Variants in BTBD7 observed in about 807,000 individuals in gnomAD.
BTBD7 encodes BTB/POZ domain-containing protein 7.
A neutral mutation model predicts 99.9 loss-of-function variants in BTBD7; 38 were observed. The observed-to-expected ratio is 0.38, with a 90% CI of 0.29 to 0.50. The LOEUF (loss-of-function observed/expected upper bound fraction) is 0.50. Ranked by LOEUF, BTBD7 falls within the 20% of genes least tolerant of loss-of-function variation. The pLI is 0.93. For missense variants in BTBD7, 1,170 were observed against 1,394.6 expected (o/e 0.84, Z 2.57); for synonymous variants, 520 against 511.4 (o/e 1.02, Z -0.23).
intron 7 of BTBD7, among the ~76,000 whole-genome samples, chr14:93,252,273 G>A (rs1258354723): frequency 1.3e-5 from 2 of 151,432 alleles, no homozygotes; most frequent in South Asian, 2.1e-4. Context: ...TCTCACTGCG[G>A]CACTCCAGCC....
At chr14:93,283,030 T>C (rs1345759509) in intron 3 of BTBD7, among the ~76,000 whole-genome samples, 2 of 152,198 alleles carry the variant, frequency 1.3e-5, no homozygotes, top group East Asian at 3.8e-4. Flanking sequence ...AGAGAAAAGG[T>C]TTTGCTTGCT....
chr14:93,258,035 G>A (rs1054530507), intron 5 of BTBD7, among the ~76,000 whole-genome samples: 2 of 152,076 alleles, frequency 1.3e-5, no homozygotes, highest in African/African-American at 4.8e-5. Context: ...ATGCTATTGA[G>A]GTGGGAAGAA....
At chr14:93,252,778 G>C (rs2052383738) in intron 7 of BTBD7, among the ~76,000 whole-genome samples, 1 of 151,728 alleles carries the variant, frequency 6.6e-6, no homozygotes, top group South Asian at 2.1e-4. Flanking sequence ...AGGATTTCCT[G>C]CTTTCAAAGA....
At chr14:93,310,702 C>T (rs2053126606) in intron 1 of BTBD7, among the ~76,000 whole-genome samples, 2 of 151,682 alleles carry the variant, frequency 1.3e-5, no homozygotes, top group African/African-American at 4.9e-5. Context: ...TGAGATAGTA[C>T]CATTGCACTC....
Position 93,242,784 on chromosome 14 carries a change from C to G in BTBD7, c.2888G>C (p.Arg963Pro), listed in dbSNP as rs201926967. The change falls in exon 11 of 11, where the codon CGC (arginine) becomes CCC (proline). Residue 963 changes from arginine (R) to proline (P), a missense_variant. Coordinates refer to ENST00000334746, the MANE Select transcript of BTBD7 (RefSeq NM_001002860.4). Reference protein sequence around the residue: ...CRPSTPALSRRTPSPSQGGYF... With the variant: ...CRPSTPALSRPTPSPSQGGYF... ...TCCACCTTGCGAAGGGGAAGGGGTG[C>G]GTCTGCTGAGAGCAGGAGTAGAAGG... The G allele has an allele frequency of 1.2e-6, 2 of 1,614,154 alleles. No homozygotes were observed. The highest frequency in any genetic ancestry group is 1.7e-6 in the Non-Finnish European group (2 of 1,180,038).
chr14:93,317,967 C>T (rs142262554), intron 1 of BTBD7, among the ~76,000 whole-genome samples: 9 of 152,324 alleles, frequency 5.9e-5, no homozygotes, highest in East Asian at 1.9e-4. Context: ...GCATCCTACG[C>T]GGCTTCACTG....
intron 3 of BTBD7, among the ~76,000 whole-genome samples, chr14:93,290,100 G>C (rs1465611323): frequency 6.6e-6 from 1 of 152,010 alleles, no homozygotes; most frequent in Non-Finnish European, 1.5e-5. Flanking sequence ...TGATCCGCCT[G>C]CCTTGGCCTC....
At chr14:93,322,616 G>A (rs961375456) in intron 1 of BTBD7, among the ~76,000 whole-genome samples, 11 of 152,136 alleles carry the variant, frequency 7.2e-5, no homozygotes, top group Non-Finnish European at 1.6e-4. Context: ...AAAGTGGATA[G>A]AGAAATATAA....
At chr14:93,330,731 G>A (rs1313625406) in intron 1 of BTBD7, among the ~76,000 whole-genome samples, 1 of 152,214 alleles carries the variant, frequency 6.6e-6, no homozygotes, top group East Asian at 1.9e-4. Flanking sequence ...AATTTTGGAT[G>A]TGTGAGCTTC....
chr14:93,300,847 C>T (rs954226213), intron 1 of BTBD7, among the ~76,000 whole-genome samples: 2 of 149,070 alleles, frequency 1.3e-5, no homozygotes, highest in African/African-American at 5.0e-5. Flanking sequence ...AACTCCTGAG[C>T]TCAAGTGATC....
intron 6 of BTBD7, among the ~76,000 whole-genome samples, chr14:93,254,820 AG>A (rs2052411556): frequency 6.6e-6 from 1 of 152,240 alleles, no homozygotes; most frequent in Non-Finnish European, 1.5e-5. Flanking sequence ...ATGAAAGTTA[AG>A]AGTCATTGTT....
chr14:93,275,256 A>T (rs548042447), intron 3 of BTBD7, among the ~76,000 whole-genome samples: 10 of 152,350 alleles, frequency 6.6e-5, no homozygotes, highest in African/African-American at 2.4e-4. Flanking sequence ...CAGACTGGAC[A>T]ATCCTAATCA....
chr14:93,308,429 T>A (rs1240982749), intron 1 of BTBD7, among the ~76,000 whole-genome samples: 6 of 151,802 alleles, frequency 4.0e-5, no homozygotes, highest in African/African-American at 1.5e-4. Flanking sequence ...AGCAATAAAG[T>A]AAATAATTTT....
At position 93,239,264 on chromosome 14, in the gene BTBD7, C is replaced by T. The variant is rs1034088405; in HGVS notation, c.*3009G>A. 2.6e-5 allele frequency: 4 copies of T among 152,668 alleles called. No individual in the cohort carries two copies. Among genetic ancestry groups the T allele is most frequent in the Non-Finnish European group, 2.9e-5 (2 of 68,018 alleles). The allele number at this position is 152,668 out of a possible 1,614,324, so 9.5% of individuals were successfully genotyped here. ...AACTTGAACGTCCTCTCGGCTCTAG[C>T]GTGTAAACGGTAGGTCTCTAACCTC... On this transcript the variant is annotated 3_prime_UTR_variant, in exon 11 of 11. Coordinates refer to ENST00000334746, the MANE Select transcript of BTBD7 (RefSeq NM_001002860.4).
chr14:93,246,195 G>A lies in BTBD7; in HGVS notation c.2213C>T (p.Thr738Ile), dbSNP rs1297805277. The change falls in exon 10 of 11, where the codon ACA becomes ATA. Residue 738 changes from threonine (T) to isoleucine (I), a missense_variant. Thr to Ile is a moderately conservative substitution (Grantham distance 89). Transcript: ENST00000334746. ...TGTAAACATGGTTTCTGCAGGAGGT[G>A]TACTGTTTACGCGACATCTCCCAGG... is the stretch of plus-strand genomic sequence containing the variant. ...RQPGRCRVNSTPPAETMFTDL... is the reference protein window; with the variant it reads ...RQPGRCRVNSIPPAETMFTDL... 1 of 1,612,516 alleles carries A rather than the reference G, an allele frequency of 6.2e-7. No individual in the cohort carries two copies. Among genetic ancestry groups the A allele is most frequent in the Non-Finnish European group, 8.5e-7 (1 of 1,179,244 alleles).
chr14:93,262,289 C>G (rs1456672363), intron 4 of BTBD7, among the ~76,000 whole-genome samples: 1 of 152,072 alleles, frequency 6.6e-6, no homozygotes, highest in Non-Finnish European at 1.5e-5. Context: ...CCCGCCACCA[C>G]GCCTGGCTAA....
At chr14:93,312,609 T>G (rs991457445) in intron 1 of BTBD7, among the ~76,000 whole-genome samples, 2 of 152,158 alleles carry the variant, frequency 1.3e-5, no homozygotes, top group Non-Finnish European at 2.9e-5. Flanking sequence ...TAAGGACATC[T>G]GAGCCCCCAA....
At chr14:93,282,961 C>A (rs2052738034) in intron 3 of BTBD7, among the ~76,000 whole-genome samples, 2 of 152,330 alleles carry the variant, frequency 1.3e-5, no homozygotes, top group South Asian at 4.1e-4. Context: ...AATGTGATGT[C>A]ATAAGTTTAC....
At chr14:93,316,808 T>G (rs1008420090) in intron 1 of BTBD7, among the ~76,000 whole-genome samples, 5 of 152,168 alleles carry the variant, frequency 3.3e-5, no homozygotes, top group African/African-American at 1.2e-4. Context: ...AATATTGCTG[T>G]GGCAAACTGA....
Sources: gnomAD v4.1 joint callset for allele counts (sites outside exome capture counted in the v4.1 genomes callset) on GRCh38, gnomAD v4.1.1 for gene constraint, MANE v1.5 for transcripts, NCBI Gene and HGNC (gene_info 2026-07-23, HGNC 2026-07-21) for gene names.